Variants in KLF12 observed in about 807,000 individuals in gnomAD.
KLF12 encodes Krueppel-like factor 12.
KLF12 carries 9 observed loss-of-function variants against 37.8 expected under a neutral mutation model. The ratio of observed to expected loss-of-function variants is 0.24; its 90% CI spans 0.14 to 0.42. The LOEUF (loss-of-function observed/expected upper bound fraction) is 0.42, where lower values mean the gene tolerates loss of function less well. Among genes scored for constraint, KLF12 ranks in the 10% least tolerant of loss-of-function variants. The probability of loss-of-function intolerance (pLI) is 1.00; values close to 1 mark genes in which losing one functional copy is unlikely to be tolerated. For missense variants in KLF12, 411 were observed against 516.0 expected (o/e 0.80, Z 1.97); for synonymous variants, 208 against 202.1 (o/e 1.03, Z -0.25).
intron 1 of KLF12, among the ~76,000 whole-genome samples, chr13:74,130,401 G>A (rs1219018579): frequency 2.6e-5 from 4 of 152,122 alleles, no homozygotes; most frequent in Admixed American, 2.0e-4. Context: ...CAGCGCAGTC[G>A]CTGATGCCTA....
chr13:74,028,988 A>G (rs2138471271), intron 1 of KLF12, among the ~76,000 whole-genome samples: 1 of 152,250 alleles, frequency 6.6e-6, no homozygotes, highest in Non-Finnish European at 1.5e-5. Flanking sequence ...GCCCTGCCAG[A>G]TAGTTTACAT....
At chr13:74,063,298 A>C (rs2138660869) in intron 1 of KLF12, among the ~76,000 whole-genome samples, 1 of 152,336 alleles carries the variant, frequency 6.6e-6, no homozygotes, top group East Asian at 1.9e-4. Context: ...TCAATTCAGC[A>C]CAAACTTAAT....
chr13:74,074,157 AGAGT>A (rs1333437682), intron 1 of KLF12, among the ~76,000 whole-genome samples: 1 of 152,148 alleles, frequency 6.6e-6, no homozygotes, highest in African/African-American at 2.4e-5. Context: ...AGAGAGAGAG[AGAGT>A]GTGTGTGTGT....
rs1425066474 is a variant in KLF12 at position 74,100,598 on chromosome 13, CAG to C, written c.-32+33139_-32+33140del. Among the ~76,000 whole-genome samples, 7 of 150,134 alleles carry C rather than the reference CAG, an allele frequency of 4.7e-5. No homozygotes were observed. In the East Asian group the frequency reaches 1.4e-3, roughly 30 times the overall value. On this transcript the variant is annotated intron_variant, in intron 1 of 7. Transcript: ENST00000377669. Reference sequence around the variant, plus strand: ...TGCCACTGCACTCCAGCCAGGGTGACAGAGCAAGAGTCCATCTCAAATATATA... The same window carrying C: ...TGCCACTGCACTCCAGCCAGGGTGACAGCAAGAGTCCATCTCAAATATATA...
the KLF12 span, among the ~76,000 whole-genome samples, chr13:74,188,946 G>A: frequency 6.6e-6 from 1 of 152,134 alleles, no homozygotes; most frequent in Non-Finnish European, 1.5e-5. Context: ...GCAGTGAGCT[G>A]ACATTGAGCC....
At chr13:73,995,913 T>C (rs1271550150) in intron 1 of KLF12, among the ~76,000 whole-genome samples, 10 of 152,228 alleles carry the variant, frequency 6.6e-5, no homozygotes. Flanking sequence ...GTTGACTTTA[T>C]TTTTCATTTG....
the KLF12 span, among the ~76,000 whole-genome samples, chr13:74,149,962 A>G: frequency 6.6e-6 from 1 of 152,204 alleles, no homozygotes; most frequent in Admixed American, 6.5e-5. Context: ...TCACCCAGTC[A>G]GTGAGGGCTT....
the KLF12 span, among the ~76,000 whole-genome samples, chr13:74,248,782 G>A: frequency 3.3e-5 from 5 of 152,258 alleles, no homozygotes; most frequent in East Asian, 9.6e-4. Context: ...GGTTTAACTG[G>A]GATTGGAGTT....
intron 6 of KLF12, among the ~76,000 whole-genome samples, chr13:73,738,964 G>A (rs1877739708): frequency 6.6e-6 from 1 of 152,186 alleles, no homozygotes. Flanking sequence ...GCTGGGCGTA[G>A]TGGCTCATGC....
chr13:74,030,262 T>C (rs576077661), intron 1 of KLF12, among the ~76,000 whole-genome samples: 24 of 151,960 alleles, frequency 1.6e-4, no homozygotes, highest in African/African-American at 1.9e-4. Flanking sequence ...ACAGAGCCCA[T>C]TGACAATAGA....
intron 3 of KLF12, among the ~76,000 whole-genome samples, chr13:73,911,243 T>G (rs565255059): frequency 6.6e-6 from 1 of 152,200 alleles, no homozygotes; most frequent in East Asian, 1.9e-4. Flanking sequence ...TTAATAAAAT[T>G]TTTAAAATAA....
At chr13:74,077,659 T>C (rs1175897366) in intron 1 of KLF12, among the ~76,000 whole-genome samples, 1 of 152,198 alleles carries the variant, frequency 6.6e-6, no homozygotes, top group Non-Finnish European at 1.5e-5. Flanking sequence ...CACAAATTCA[T>C]TCTGAGAATA....
At chr13:74,260,749 T>A in the KLF12 span, among the ~76,000 whole-genome samples, 3 of 151,824 alleles carry the variant, frequency 2.0e-5, no homozygotes, top group Non-Finnish European at 4.4e-5. Context: ...AGACACTAAT[T>A]GTAAATGTGT....
At chr13:74,022,666 TC>T (rs111696590) in intron 1 of KLF12, among the ~76,000 whole-genome samples, 6,437 of 39,442 alleles carry the variant, frequency 0.16, 193 homozygotes, top group South Asian at 0.26. Flanking sequence ...AAAGGGTAAA[TC>T]CAAAAAAAAA....
chr13:74,106,903 G>GA (rs200327476), intron 1 of KLF12, among the ~76,000 whole-genome samples: 2,801 of 142,770 alleles, frequency 0.02, 77 homozygotes, highest in African/African-American at 0.065. Context: ...GAGCTCAAAG[G>GA]AAAAAAAAAA....
At chr13:74,206,071 T>C in the KLF12 span, among the ~76,000 whole-genome samples, 1 of 152,166 alleles carries the variant, frequency 6.6e-6, no homozygotes, top group Non-Finnish European at 1.5e-5. Context: ...TTTTTGGTTA[T>C]GATCCATTTC....
At chr13:74,176,816 C>T in the KLF12 span, among the ~76,000 whole-genome samples, 4 of 152,160 alleles carry the variant, frequency 2.6e-5, no homozygotes, top group Admixed American at 2.6e-4. Context: ...CTCCCAACTG[C>T]CCCAGAAAAC....
chr13:74,169,649 G>A, the KLF12 span, among the ~76,000 whole-genome samples: 51 of 152,294 alleles, frequency 3.3e-4, no homozygotes, highest in Non-Finnish European at 2.9e-4. Flanking sequence ...AAATATTGAA[G>A]TATATCCCTT....
At chr13:74,249,155 A>AT in the KLF12 span, among the ~76,000 whole-genome samples, 3,344 of 150,362 alleles carry the variant, frequency 0.022, 121 homozygotes, top group African/African-American at 0.077. Flanking sequence ...CTGCCTCAAG[A>AT]TTTTTTTTTT....
Sources: gnomAD v4.1 joint callset for allele counts (sites outside exome capture counted in the v4.1 genomes callset) on GRCh38, gnomAD v4.1.1 for gene constraint, MANE v1.5 for transcripts, NCBI Gene and HGNC (gene_info 2026-07-23, HGNC 2026-07-21) for gene names.